The following ABCA13 variants were observed in gnomAD, a reference collection of about 807,000 sequenced individuals.
ABCA13 encodes ATP binding cassette subfamily A member 13.
A neutral mutation model predicts 478.7 loss-of-function variants in ABCA13; 476 were observed. That is an observed-to-expected ratio of 0.99 (90% confidence interval 0.92 to 1.07). The LOEUF (loss-of-function observed/expected upper bound fraction) is 1.07, where lower values mean the gene tolerates loss of function less well. Ranked by LOEUF, ABCA13 falls within the 50% of genes least tolerant of loss-of-function variation. The pLI, the probability that ABCA13 is intolerant of heterozygous loss-of-function variation, is 0.00. For synonymous variants in ABCA13, 2,252 were observed against 2,158.9 expected (o/e 1.04, Z -1.20); for missense variants, 6,060 against 5,910.6 (o/e 1.03, Z -0.83).
intron 3 of ABCA13, among the ~76,000 whole-genome samples, chr7:48,204,639 T>C (rs184001558): frequency 6.6e-6 from 1 of 152,162 alleles, no homozygotes; most frequent in Non-Finnish European, 1.5e-5. Flanking sequence ...TGATGAGTAC[T>C]CCCCTCCCCT....
rs373060827 is a variant in ABCA13, at chr7:48,372,134, T to C, written c.10804-34T>C. ...TTTGTTCTTCCTCAAGTACGCATGC[T>C]GTGGTAACCTTGGGTTTTTTCTCTT... On this transcript the variant is annotated intron_variant, in intron 32 of 61. Coordinates refer to ENST00000435803, the MANE Select transcript of ABCA13 (RefSeq NM_152701.5). 2.3e-4 allele frequency: 366 copies of C among 1,570,314 alleles called. 1 individual carries two copies. The highest frequency in any genetic ancestry group is 3.7e-4 in the Admixed American group (21 of 56,080).
At chr7:48,218,341 T>C (rs756419421) in intron 3 of ABCA13, among the ~76,000 whole-genome samples, 3 of 152,158 alleles carry the variant, frequency 2.0e-5, no homozygotes, top group Non-Finnish European at 4.4e-5. Flanking sequence ...TAATTTCTTG[T>C]TGTGCTTTTG....
At chr7:48,201,398 A>T (rs915974333) in intron 3 of ABCA13, among the ~76,000 whole-genome samples, 5 of 151,714 alleles carry the variant, frequency 3.3e-5, no homozygotes, top group Non-Finnish European at 7.4e-5. Flanking sequence ...ACAGGAAGGC[A>T]GTAAGGAGAC....
chr7:48,368,050 A>G (rs959757245), intron 32 of ABCA13, 142 bp downstream of exon 32: 1 of 558,632 alleles, frequency 1.8e-6, no homozygotes, highest in African/African-American at 1.9e-5. Flanking sequence ...AAAATAGCTG[A>G]GTCCCTGTTC....
At chr7:48,631,969 G>T (rs995562031) in intron 59 of ABCA13, among the ~76,000 whole-genome samples, 9 of 152,046 alleles carry the variant, frequency 5.9e-5, no homozygotes, top group Non-Finnish European at 1.0e-4. Context: ...TCTCAGCTTG[G>T]TTGTTGTTAG....
intron 3 of ABCA13, among the ~76,000 whole-genome samples, chr7:48,212,973 T>C (rs1430461045): frequency 6.6e-6 from 1 of 152,182 alleles, no homozygotes; most frequent in Non-Finnish European, 1.5e-5. Context: ...TTTGTGTTTT[T>C]CTTTAACAAA....
chr7:48,217,246 G>A (rs915702249), intron 3 of ABCA13, among the ~76,000 whole-genome samples: 1 of 152,222 alleles, frequency 6.6e-6, no homozygotes, highest in African/African-American at 2.4e-5. Flanking sequence ...AGTAATGTGA[G>A]TCAGCCATAA....
At chr7:48,357,960 G>A (rs1810198324) in intron 31 of ABCA13, among the ~76,000 whole-genome samples, 1 of 151,402 alleles carries the variant, frequency 6.6e-6, no homozygotes. Flanking sequence ...TGGCCAACAT[G>A]GTGAAACCCG....
chr7:48,293,905 A>G (rs541811076), intron 20 of ABCA13, among the ~76,000 whole-genome samples: 86 of 152,240 alleles, frequency 5.6e-4, no homozygotes, highest in Non-Finnish European at 1.0e-3. Flanking sequence ...GAGTCTTAGG[A>G]GCCTCTCCAC....
chr7:48,643,477 A>G (rs996551631), intron 60 of ABCA13, 84 bp downstream of exon 60: 4 of 1,225,744 alleles, frequency 3.3e-6, no homozygotes, highest in Non-Finnish European at 4.8e-6. Context: ...TTTTTATTCT[A>G]TGCTGTTATA....
intron 55 of ABCA13, among the ~76,000 whole-genome samples, chr7:48,546,892 T>C (rs1256093690): frequency 2.0e-5 from 3 of 151,748 alleles, no homozygotes; most frequent in African/African-American, 7.2e-5. Context: ...GAATCACAAA[T>C]TAGAGTAGTT....
chr7:48,554,891 GT>G (rs2131219103), intron 55 of ABCA13, among the ~76,000 whole-genome samples: 1 of 151,120 alleles, frequency 6.6e-6, no homozygotes, highest in Non-Finnish European at 1.5e-5. Flanking sequence ...TTAAATAACA[GT>G]GGTGAAGGTG....
intron 15 of ABCA13, among the ~76,000 whole-genome samples, chr7:48,266,118 T>TA (rs1168120398): frequency 6.6e-6 from 1 of 151,746 alleles, no homozygotes; most frequent in African/African-American, 2.4e-5. Context: ...ATAACTGAGA[T>TA]AAACTCCACT....
Position 48,253,357 on chromosome 7 carries a change from T to G in ABCA13, c.2005+4006T>G, listed in dbSNP as rs547081469. On this transcript the variant is annotated intron_variant, in intron 15 of 61. Transcript: ENST00000435803. ...AATATTGCCAGCAAGTTCTATTTTT[T>G]CCCTTGTATACTGAGGGAGGAACTT... Among the ~76,000 whole-genome samples, 9 of 152,322 alleles carry G rather than the reference T, an allele frequency of 5.9e-5. No individual in the cohort carries two copies. In the South Asian group the frequency reaches 1.9e-3, roughly 32 times the overall value.
At chr7:48,241,195 T>C (rs553476576) in intron 10 of ABCA13, 129 bp downstream of exon 10, 2 of 1,180,554 alleles carry the variant, frequency 1.7e-6, no homozygotes, top group Admixed American at 2.1e-5. Flanking sequence ...TGTTAGCAAA[T>C]GGGAAATCAG....
chr7:48,471,543 T>G lies in ABCA13; in HGVS notation c.12919T>G (p.Cys4307Gly), dbSNP rs1477387443. 6.4e-7 allele frequency: 1 copy of G among 1,560,206 alleles called. No homozygotes were observed. The highest frequency in any genetic ancestry group is 1.4e-5 in the African/African-American group (1 of 73,812). Reference protein sequence around the residue: ...DLNPRQKNSSCWRTDPFSHPE... With the variant: ...DLNPRQKNSSGWRTDPFSHPE... ...TTTGTTTTTTAGGAAGAATTCTTCA[T>G]GCTGGCGCACAGATCCCTTTTCTCA... Residue 4307 changes from cysteine (C) to glycine (G), a missense_variant, in exon 45 of 62, where the codon TGC becomes GGC. Cys to Gly is a radical substitution (Grantham distance 159). Around this residue, in one of 3 missense-constraint regions of ABCA13, gnomAD observed 1,627 missense variants for 1,571.0 expected, o/e 1.04. Coordinates refer to ENST00000435803, the MANE Select transcript of ABCA13 (RefSeq NM_152701.5).
At chr7:48,342,831 C>G (rs1807449380) in intron 29 of ABCA13, among the ~76,000 whole-genome samples, 1 of 152,146 alleles carries the variant, frequency 6.6e-6, no homozygotes, top group Non-Finnish European at 1.5e-5. Flanking sequence ...GACAAATTCT[C>G]TCTTCAGCTG....
Position 48,580,393 on chromosome 7 carries a change from TTC to T in ABCA13, c.14505+21_14505+22del. 6.2e-7 allele frequency: 1 copy of T among 1,604,736 alleles called. No individual in the cohort carries two copies. Among genetic ancestry groups the T allele is most frequent in the Non-Finnish European group, 8.5e-7 (1 of 1,175,348 alleles). On this transcript the variant is annotated intron_variant, in intron 56 of 61. Transcript: ENST00000435803. ...CCCTGAGGTAAATCTCCCTGGGGTC[TTC>T]TAGATAAAGGGACCCATTGAGGAAT... is the stretch of plus-strand genomic sequence containing the variant.
At chr7:48,185,528 G>A (rs893122097) in intron 1 of ABCA13, among the ~76,000 whole-genome samples, 2 of 152,136 alleles carry the variant, frequency 1.3e-5, no homozygotes, top group Non-Finnish European at 1.5e-5. Flanking sequence ...ATCTGGGTAG[G>A]ATTAACATCT....
Sources: allele counts gnomAD v4.1 joint callset (sites outside exome capture counted in the v4.1 genomes callset), GRCh38; gene constraint gnomAD v4.1.1; regional missense constraint gnomAD v4.1.1; transcripts MANE v1.5; gene names NCBI Gene and HGNC (gene_info 2026-07-23, HGNC 2026-07-21).